The following CHST10 variants were observed in gnomAD, a reference collection of about 807,000 sequenced individuals.
CHST10 encodes the protein carbohydrate sulfotransferase 10.
In CHST10, 24 loss-of-function variants were observed where a neutral mutation model predicts 34.7. The ratio of observed to expected loss-of-function variants is 0.69; its 90% CI spans 0.50 to 0.97. The LOEUF (loss-of-function observed/expected upper bound fraction) is 0.97. Ranked by LOEUF, CHST10 falls within the 50% of genes least tolerant of loss-of-function variation. The pLI is 0.00. For synonymous variants in CHST10, 161 were observed against 169.3 expected (o/e 0.95, Z 0.38); for missense variants, 402 against 452.1 (o/e 0.89, Z 1.00).
At chr2:100,399,189 C>T (rs187652203) in intron 4 of CHST10, among the ~76,000 whole-genome samples, 16 of 152,018 alleles carry the variant, frequency 1.1e-4, no homozygotes, top group Admixed American at 3.3e-4. Context: ...CTGCAAGCTC[C>T]GCCTCCCGGG....
At position 100,395,567 on chromosome 2, in the gene CHST10, G is replaced by T; in HGVS notation, c.475C>A (p.His159Asn). The T allele has an allele frequency of 6.2e-7, 1 of 1,614,018 alleles. No individual in the cohort carries two copies. The highest frequency in any genetic ancestry group is 8.5e-7 in the Non-Finnish European group (1 of 1,179,914). ...AGCCGAGGAAGGCCGTTCTTCTCGT[G>T]GTCGTGCACCACGTTTTCGGGGATC... Reference protein sequence around the residue: ...EEIPENVVHDHEKNGLPRLSS... With the variant: ...EEIPENVVHDNEKNGLPRLSS... The change falls in exon 6 of 7, where the codon CAC (histidine) becomes AAC (asparagine). Residue 159 changes from histidine to asparagine, a missense_variant. Physicochemically the swap from His to Asn is moderately conservative, Grantham distance 68. Transcript: ENST00000264249.
In CHST10 at chr2:100,393,232, T is replaced by A; in HGVS notation, c.*13A>T. ...GGTCTAATAAAGATATTTGAATTCATAGGTCTTATGCATTAGTTTAGCAAA... is the reference window on the plus strand; with the variant it reads ...GGTCTAATAAAGATATTTGAATTCAAAGGTCTTATGCATTAGTTTAGCAAA... On this transcript the variant is annotated 3_prime_UTR_variant, in exon 7 of 7. Coordinates refer to ENST00000264249, the MANE Select transcript of CHST10 (RefSeq NM_004854.5). 6.2e-7 allele frequency: 1 copy of A among 1,612,380 alleles called. No homozygotes were observed. The highest frequency in any genetic ancestry group is 8.5e-7 in the Non-Finnish European group (1 of 1,178,974).
intron 2 of CHST10, among the ~76,000 whole-genome samples, chr2:100,410,485 T>C (rs1033620774): frequency 4.6e-5 from 7 of 152,192 alleles, no homozygotes; most frequent in Admixed American, 2.6e-4. Context: ...GAGCCAACAA[T>C]TGCTATTTGC....
In CHST10 at chr2:100,402,462, C is replaced by T; in HGVS notation, c.192+102G>A. 4 of 855,298 alleles carry T rather than the reference C, an allele frequency of 4.7e-6. No individual in the cohort carries two copies. In the Admixed American group the frequency reaches 7.4e-5, roughly 16 times the overall value. The allele number at this position is 855,298 out of a possible 1,614,324, so 53.0% of individuals were successfully genotyped here. A position where few individuals can be genotyped will look rare whatever the true frequency, so the allele number is the denominator to read the frequency against. On this transcript the variant is annotated intron_variant, in intron 4 of 6. Transcript: ENST00000264249. ...AGTAACACAGGAAAAGGCTCTAACG[C>T]AGACGTGATGACAAGCGGAACCAGC...
chr2:100,410,492 T>C (rs1675785905), intron 2 of CHST10, among the ~76,000 whole-genome samples: 2 of 152,216 alleles, frequency 1.3e-5, no homozygotes, highest in Admixed American at 1.3e-4. Flanking sequence ...CAATTGCTAT[T>C]TGCTGAATGA....
intron 2 of CHST10, among the ~76,000 whole-genome samples, chr2:100,412,645 T>C (rs528205662): frequency 7.9e-5 from 12 of 152,318 alleles, no homozygotes; most frequent in African/African-American, 2.6e-4. Flanking sequence ...CTGGGGATCT[T>C]GTTAAAATGC....
chr2:100,411,170 G>A (rs1292111262), intron 2 of CHST10, among the ~76,000 whole-genome samples: 2 of 146,898 alleles, frequency 1.4e-5, no homozygotes, highest in Admixed American at 6.8e-5. Flanking sequence ...CGGCTGGAGT[G>A]CAGTGGTGCA....
chr2:100,394,726 C>CA lies in CHST10; in HGVS notation c.533+782_533+783insT, dbSNP rs1215057369. On this transcript the variant is annotated intron_variant, in intron 6 of 6. Coordinates refer to ENST00000264249, the MANE Select transcript of CHST10 (RefSeq NM_004854.5). ...ATCTATTAGCTAAGGACTCCATCTT[C>CA]TTTTTTTTTTTTTTTGAGACAGAGT... 4.6e-3 allele frequency among the ~76,000 whole-genome samples: 642 copies of CA among 140,544 alleles called. 9 individuals are homozygous for CA. Among genetic ancestry groups the CA allele is most frequent in the African/African-American group, 0.016 (622 of 37,862 alleles). 92.2% of individuals were successfully genotyped at this position (140,544 alleles called of 152,430 possible). A position where few individuals can be genotyped will look rare whatever the true frequency, so the allele number is the denominator to read the frequency against.
At chr2:100,405,066 C>T (rs1213030125) in intron 3 of CHST10, among the ~76,000 whole-genome samples, 1 of 152,234 alleles carries the variant, frequency 6.6e-6, no homozygotes, top group Non-Finnish European at 1.5e-5. Context: ...GGGATGAGAA[C>T]CCGGCTCTAG....
chr2:100,404,068 T>C (rs1573187751), intron 3 of CHST10, among the ~76,000 whole-genome samples: 1 of 152,204 alleles, frequency 6.6e-6, no homozygotes, highest in East Asian at 1.9e-4. Context: ...GGGTGCCAGC[T>C]CGCATCCTGC....
intron 4 of CHST10, among the ~76,000 whole-genome samples, chr2:100,399,688 T>C (rs1558637301): frequency 1.3e-5 from 2 of 152,150 alleles, no homozygotes; most frequent in Non-Finnish European, 2.9e-5. Flanking sequence ...CACCCAGCTC[T>C]TCCTTTATGG....
intron 5 of CHST10, among the ~76,000 whole-genome samples, chr2:100,397,000 C>T (rs1675088650): frequency 6.6e-6 from 1 of 152,120 alleles, no homozygotes; most frequent in Non-Finnish European, 1.5e-5. Flanking sequence ...ATTCTCTCTC[C>T]CAGCCAACCC....
At chr2:100,416,959 G>T in intron 1 of CHST10, 1 of 1,303,952 alleles carries the variant, frequency 7.7e-7, no homozygotes, top group Non-Finnish European at 1.0e-6. Flanking sequence ...GGCAGGGAAC[G>T]TGCATTCCCA....
At chr2:100,402,910 C>T (rs1287122647) in intron 3 of CHST10, among the ~76,000 whole-genome samples, 5 of 152,128 alleles carry the variant, frequency 3.3e-5, no homozygotes, top group African/African-American at 1.2e-4. Flanking sequence ...GGATCACAGA[C>T]CTGAATGTGA....
rs370959252 is a variant in CHST10 at position 100,396,033 on chromosome 2, G to A, written c.428-419C>T. On this transcript the variant is annotated intron_variant, in intron 5 of 6. Coordinates refer to ENST00000264249, the MANE Select transcript of CHST10 (RefSeq NM_004854.5). ...TGCCAGAGAAGCAGGACTTTGGAAC[G>A]TCATGCTAACAGATGCCCGCAGCAG... is the stretch of plus-strand genomic sequence containing the variant. 2.1e-4 allele frequency among the ~76,000 whole-genome samples: 32 copies of A among 152,326 alleles called. 1 individual carries two copies. The highest frequency in any genetic ancestry group is 7.7e-4 in the African/African-American group (32 of 41,576).
intron 4 of CHST10, 62 bp from the exon 5 acceptor site, chr2:100,398,204 G>A: frequency 8.4e-7 from 1 of 1,195,532 alleles, no homozygotes; most frequent in South Asian, 1.4e-5. Context: ...ACCGGGCCAA[G>A]CAGAGCCGCT....
chr2:100,400,719 C>A (rs192744382), intron 4 of CHST10, among the ~76,000 whole-genome samples: 103 of 152,334 alleles, frequency 6.8e-4, no homozygotes, highest in Non-Finnish European at 1.1e-3. Context: ...GCTCTTGTTG[C>A]CCAAGCTGGA....
chr2:100,404,857 C>G (rs1018576511), intron 3 of CHST10, among the ~76,000 whole-genome samples: 1 of 152,226 alleles, frequency 6.6e-6, no homozygotes, highest in African/African-American at 2.4e-5. Context: ...TGAGTGCCTT[C>G]CATACCAGGA....
At chr2:100,408,100 C>A (rs1675662290) in intron 2 of CHST10, 1 of 150,434 alleles carries the variant, frequency 6.6e-6, no homozygotes, top group Non-Finnish European at 1.5e-5. Context: ...ACACAGGATA[C>A]CCAGTTAGAT....
Sources: allele counts gnomAD v4.1 joint callset (sites outside exome capture counted in the v4.1 genomes callset), GRCh38; gene constraint gnomAD v4.1.1; transcripts MANE v1.5; gene names NCBI Gene and HGNC (gene_info 2026-07-23, HGNC 2026-07-21).